Variants in EXOC6B observed in about 807,000 individuals in gnomAD.
EXOC6B encodes the protein exocyst complex component 6B, also known as SEC15 homolog B.
A neutral mutation model predicts 113.5 loss-of-function variants in EXOC6B; 54 were observed. The observed-to-expected ratio is 0.48, with a 90% CI of 0.38 to 0.60. The LOEUF is 0.60. EXOC6B is among the 20% of genes least tolerant of loss of function. The probability of loss-of-function intolerance (pLI) is 0.00; values close to 1 mark genes in which losing one functional copy is unlikely to be tolerated. For synonymous variants in EXOC6B, 357 were observed against 339.0 expected (o/e 1.05, Z -0.58); for missense variants, 797 against 977.5 (o/e 0.82, Z 2.46).
intron 1 of EXOC6B, among the ~76,000 whole-genome samples, chr2:72,752,548 ACTCTCTCTCT>A (rs143358400): frequency 2.3e-5 from 2 of 85,564 alleles, no homozygotes; most frequent in Admixed American, 2.3e-4. Flanking sequence ...TCTCTCTCTC[ACTCTCTCTCT>A]CTCTCTCTCT....
intron 8 of EXOC6B, chr2:72,515,724 T>C (rs766150190): frequency 1.7e-5 from 17 of 986,738 alleles, no homozygotes; most frequent in Non-Finnish European, 1.9e-5. Context: ...CATAATAATA[T>C]CTGACTCATG....
At chr2:72,307,249 C>A (rs2104776760) in intron 20 of EXOC6B, among the ~76,000 whole-genome samples, 1 of 151,764 alleles carries the variant, frequency 6.6e-6, no homozygotes, top group South Asian at 2.1e-4. Context: ...AAGCGATTCC[C>A]CTGCCTCGGC....
At chr2:72,338,688 A>AT (rs1688841766) in intron 19 of EXOC6B, among the ~76,000 whole-genome samples, 1 of 152,094 alleles carries the variant, frequency 6.6e-6, no homozygotes. Context: ...AAATGTGAAT[A>AT]TTTTTTAAAA....
At chr2:72,244,398 A>C (rs1162211007) in intron 20 of EXOC6B, among the ~76,000 whole-genome samples, 1 of 152,196 alleles carries the variant, frequency 6.6e-6, no homozygotes, top group Non-Finnish European at 1.5e-5. Context: ...TGGATGCAGC[A>C]AACGTAATTT....
intron 20 of EXOC6B, among the ~76,000 whole-genome samples, chr2:72,258,149 A>C (rs894655223): frequency 6.6e-6 from 1 of 152,118 alleles, no homozygotes; most frequent in Non-Finnish European, 1.5e-5. Flanking sequence ...AAACTCTCAG[A>C]CTAGTCTGAC....
At chr2:72,569,608 C>CA (rs1704401380) in intron 7 of EXOC6B, among the ~76,000 whole-genome samples, 1 of 152,160 alleles carries the variant, frequency 6.6e-6, no homozygotes. Flanking sequence ...AACCAGTATG[C>CA]AAGCTGTTTC....
intron 13 of EXOC6B, 74 bp downstream of exon 13, chr2:72,498,380 C>G: frequency 5.0e-6 from 5 of 1,004,606 alleles, no homozygotes; most frequent in Non-Finnish European, 7.4e-6. Flanking sequence ...ATCTGAAAAC[C>G]TTTGCGCATA....
chr2:72,350,463 C>A (rs951070950), intron 19 of EXOC6B, among the ~76,000 whole-genome samples: 15 of 152,238 alleles, frequency 9.9e-5, no homozygotes, highest in African/African-American at 3.4e-4. Context: ...CTTATAAATG[C>A]TAATGAATTT....
intron 6 of EXOC6B, among the ~76,000 whole-genome samples, chr2:72,710,394 T>C (rs1318336524): frequency 1.3e-5 from 2 of 151,780 alleles, no homozygotes; most frequent in Non-Finnish European, 2.9e-5. Flanking sequence ...GCATATGTAA[T>C]ACAAGTAATT....
intron 1 of EXOC6B, among the ~76,000 whole-genome samples, chr2:72,756,343 C>T (rs1682411754): frequency 6.6e-6 from 1 of 152,008 alleles, no homozygotes; most frequent in Admixed American, 6.6e-5. Context: ...GTAGGGAAAT[C>T]CAGCCACACA....
At chr2:72,368,920 C>G (rs1033285490) in intron 19 of EXOC6B, among the ~76,000 whole-genome samples, 3 of 152,124 alleles carry the variant, frequency 2.0e-5, no homozygotes, top group Non-Finnish European at 4.4e-5. Flanking sequence ...ACTGAATGGG[C>G]AAAAACTGGA....
intron 8 of EXOC6B, among the ~76,000 whole-genome samples, chr2:72,551,156 T>A (rs1336802974): frequency 6.6e-6 from 1 of 152,144 alleles, no homozygotes. Flanking sequence ...ATTATTTCAA[T>A]ACTCATGAGT....
At chr2:72,788,060 A>T (rs1048615748) in intron 1 of EXOC6B, among the ~76,000 whole-genome samples, 9 of 152,216 alleles carry the variant, frequency 5.9e-5, no homozygotes, top group Admixed American at 3.9e-4. Flanking sequence ...TTCTTACCTG[A>T]CATAGTTCAG....
At chr2:72,705,320 C>G (rs373753721) in intron 6 of EXOC6B, among the ~76,000 whole-genome samples, 1 of 152,146 alleles carries the variant, frequency 6.6e-6, no homozygotes, top group East Asian at 1.9e-4. Flanking sequence ...ATTGATGGGA[C>G]GTATTTCAAA....
intron 8 of EXOC6B, among the ~76,000 whole-genome samples, chr2:72,539,211 G>C (rs1355871101): frequency 6.6e-6 from 1 of 152,244 alleles, no homozygotes; most frequent in East Asian, 1.9e-4. Flanking sequence ...AAAAAAGAAG[G>C]GGGAGGGGAG....
At chr2:72,377,271 C>T (rs1265102716) in intron 19 of EXOC6B, among the ~76,000 whole-genome samples, 1 of 152,024 alleles carries the variant, frequency 6.6e-6, no homozygotes, top group African/African-American at 2.4e-5. Flanking sequence ...ATTAGTACAG[C>T]CATTAAGAGA....
At chr2:72,587,836 A>C (rs144890702) in intron 6 of EXOC6B, among the ~76,000 whole-genome samples, 134 of 152,180 alleles carry the variant, frequency 8.8e-4, no homozygotes, top group Middle Eastern at 3.4e-3. Context: ...ACAACAACAA[A>C]AAAAAAACAA....
chr2:72,370,517 T>C (rs671550), intron 19 of EXOC6B, among the ~76,000 whole-genome samples: 20,731 of 152,174 alleles, frequency 0.14, 1,737 homozygotes, highest in African/African-American at 0.24. Context: ...GCTGGGTATA[T>C]ACCCAAAGGA....
At chr2:72,233,848 C>A (rs933518761) in intron 20 of EXOC6B, among the ~76,000 whole-genome samples, 7 of 152,182 alleles carry the variant, frequency 4.6e-5, no homozygotes, top group Non-Finnish European at 8.8e-5. Flanking sequence ...CCCCTACCTA[C>A]CCCCACCACT....
Sources: gnomAD v4.1 joint callset for allele counts (sites outside exome capture counted in the v4.1 genomes callset) on GRCh38, gnomAD v4.1.1 for gene constraint, MANE v1.5 for transcripts, NCBI Gene and HGNC (gene_info 2026-07-23, HGNC 2026-07-21) for gene names.